Variants in NR2F1-AS1 observed in about 807,000 individuals in gnomAD.
The protein encoded by NR2F1-AS1 is NR2F1 regulatory antisense RNA 1, also known as NR2F1 antisense RNA 1.
chr5:93,495,629 G>GA (rs902176859), intron 4 of NR2F1-AS1, among the ~76,000 whole-genome samples: 22 of 149,934 alleles, frequency 1.5e-4, no homozygotes, highest in Admixed American at 6.6e-4. Context: ...ACTCTATTTG[G>GA]AAAAAAAAAT....
intron 4 of NR2F1-AS1, among the ~76,000 whole-genome samples, chr5:93,460,822 G>T (rs1195893214): frequency 6.6e-6 from 1 of 152,130 alleles, no homozygotes; most frequent in Non-Finnish European, 1.5e-5. Context: ...TTATTAAAAA[G>T]TCAAAAAACA....
At chr5:93,535,029 A>G (rs1261369974) in intron 4 of NR2F1-AS1, among the ~76,000 whole-genome samples, 1 of 152,190 alleles carries the variant, frequency 6.6e-6, no homozygotes, top group Admixed American at 6.5e-5. Context: ...GAAGCAACAT[A>G]TTTACCAAAA....
At chr5:93,416,798 A>G (rs1748977610) in intron 4 of NR2F1-AS1, among the ~76,000 whole-genome samples, 1 of 152,176 alleles carries the variant, frequency 6.6e-6, no homozygotes, top group Admixed American at 6.5e-5. Context: ...TTTTTCTTCA[A>G]TCAATAATAA....
At chr5:93,466,797 C>G (rs1750242288) in intron 4 of NR2F1-AS1, among the ~76,000 whole-genome samples, 1 of 150,666 alleles carries the variant, frequency 6.6e-6, no homozygotes, top group Non-Finnish European at 1.5e-5. Context: ...ATGAAACAAA[C>G]AATCATAAAG....
At chr5:93,547,663 C>T (rs1417313027) in intron 4 of NR2F1-AS1, among the ~76,000 whole-genome samples, 1 of 151,930 alleles carries the variant, frequency 6.6e-6, no homozygotes, top group Non-Finnish European at 1.5e-5. Context: ...TAGCATATGC[C>T]TAAGCAAGAG....
At chr5:93,496,254 C>T (rs1384214241) in intron 4 of NR2F1-AS1, among the ~76,000 whole-genome samples, 2 of 152,174 alleles carry the variant, frequency 1.3e-5, no homozygotes, top group Non-Finnish European at 2.9e-5. Context: ...ATTCTAGCTG[C>T]TTACGTCTTG....
At chr5:93,581,816 G>GTC (rs1169995727), upstream of NR2F1-AS1, among the ~76,000 whole-genome samples, 6 of 23,706 alleles carry the variant, frequency 2.5e-4, no homozygotes, top group African/African-American at 1.1e-3. Context: ...TCTCCCTCTC[G>GTC]TCTCTCTCTC....
chr5:93,437,863 T>C (rs1283602914), intron 4 of NR2F1-AS1, among the ~76,000 whole-genome samples: 2 of 152,222 alleles, frequency 1.3e-5, no homozygotes, highest in Non-Finnish European at 2.9e-5. Flanking sequence ...CAGCTTATTA[T>C]CTACTGAATA....
At chr5:93,548,859 G>T (rs1462056799) in intron 4 of NR2F1-AS1, among the ~76,000 whole-genome samples, 1 of 152,110 alleles carries the variant, frequency 6.6e-6, no homozygotes, top group Admixed American at 6.6e-5. Flanking sequence ...TGATAAGAGT[G>T]AGAATCTGCC....
At chr5:93,446,267 G>A (rs997160314) in intron 4 of NR2F1-AS1, among the ~76,000 whole-genome samples, 3 of 152,180 alleles carry the variant, frequency 2.0e-5, no homozygotes, top group African/African-American at 7.2e-5. Context: ...AATTGTCCCT[G>A]TTTGCAGATG....
intron 4 of NR2F1-AS1, among the ~76,000 whole-genome samples, chr5:93,481,517 T>C (rs564135523): frequency 5.3e-5 from 8 of 151,878 alleles, no homozygotes; most frequent in African/African-American, 1.7e-4. Context: ...AGAAAATAAA[T>C]AAGGAAATAG....
chr5:93,510,185 T>C (rs1751266546), intron 4 of NR2F1-AS1, among the ~76,000 whole-genome samples: 1 of 152,128 alleles, frequency 6.6e-6, no homozygotes, highest in Non-Finnish European at 1.5e-5. Context: ...CAGTTTTTAT[T>C]AACTTTCTAG....
intron 4 of NR2F1-AS1, among the ~76,000 whole-genome samples, chr5:93,416,627 G>A (rs1295277184): frequency 4.6e-5 from 7 of 152,104 alleles, no homozygotes; most frequent in Admixed American, 2.6e-4. Context: ...CAGTCCTGGA[G>A]CAGGTATTAT....
intron 4 of NR2F1-AS1, among the ~76,000 whole-genome samples, chr5:93,550,408 G>A (rs965616900): frequency 1.3e-5 from 2 of 152,158 alleles, no homozygotes; most frequent in Non-Finnish European, 2.9e-5. Flanking sequence ...TTTTAAGTTT[G>A]CAACATCATG....
intron 4 of NR2F1-AS1, among the ~76,000 whole-genome samples, chr5:93,462,003 C>T (rs1750104861): frequency 6.6e-6 from 1 of 152,124 alleles, no homozygotes; most frequent in Non-Finnish European, 1.5e-5. Flanking sequence ...CACCAAAATC[C>T]ACTGGTTTGC....
intron 4 of NR2F1-AS1, among the ~76,000 whole-genome samples, chr5:93,460,122 T>G (rs1750056878): frequency 1.3e-5 from 2 of 152,018 alleles, no homozygotes; most frequent in Non-Finnish European, 2.9e-5. Flanking sequence ...TTTCTCACCC[T>G]CCAGACTTGA....
intron 4 of NR2F1-AS1, among the ~76,000 whole-genome samples, chr5:93,461,372 C>T (rs11951047): frequency 6.6e-6 from 1 of 152,072 alleles, no homozygotes; most frequent in Admixed American, 6.6e-5. Context: ...GGAAGAACAG[C>T]TAATGGATGC....
chr5:93,530,577 T>A (rs536046707), intron 4 of NR2F1-AS1, among the ~76,000 whole-genome samples: 2 of 152,232 alleles, frequency 1.3e-5, no homozygotes, highest in Non-Finnish European at 2.9e-5. Flanking sequence ...AGTAGTTGAG[T>A]GGCAAAGAGA....
In NR2F1-AS1 at chr5:93,537,767, TAC is replaced by T. The variant is rs1751868679; in HGVS notation, n.638+15992_638+15993del. Among the ~76,000 whole-genome samples the T allele has an allele frequency of 5.3e-5, 8 of 152,292 alleles. No individual in the cohort carries two copies. In the South Asian group the frequency reaches 1.7e-3, roughly 32 times the overall value. On this transcript the variant is annotated intron_variant and non_coding_transcript_variant, in intron 4 of 5. Coordinates refer to ENST00000660523, the Ensembl canonical transcript of NR2F1-AS1. Reference sequence around the variant, plus strand: ...TTCTTTAAAAATCTTAAAATAGAACTACCATATGATCCAGCAATCCCACTACT... The same window carrying T: ...TTCTTTAAAAATCTTAAAATAGAACTCATATGATCCAGCAATCCCACTACT...
Sources: gnomAD v4.1 joint callset for allele counts (sites outside exome capture counted in the v4.1 genomes callset) on GRCh38, gnomAD v4.1.1 for gene constraint, MANE v1.5 for transcripts, NCBI Gene and HGNC (gene_info 2026-07-23, HGNC 2026-07-21) for gene names.